TANC1: variants seen among roughly 807,000 people sequenced by gnomAD.
TANC1 encodes the protein protein TANC1.
Under a neutral mutation model 149.7 loss-of-function variants are expected in TANC1, and 77 were observed. The observed-to-expected ratio is 0.51, with a 90% CI of 0.43 to 0.62. The LOEUF (loss-of-function observed/expected upper bound fraction) is 0.62, where lower values mean the gene tolerates loss of function less well. Among genes scored for constraint, TANC1 ranks in the 20% least tolerant of loss-of-function variants. TANC1 has a pLI of 0.00. For synonymous variants in TANC1, 854 were observed against 925.0 expected, an observed-to-expected ratio of 0.92 and a Z score of 1.39; for missense variants, 1,985 against 2,321.8, an observed-to-expected ratio of 0.85 and a Z score of 2.98.
rs190682729 is a variant in TANC1, at chr2:159,132,725, A to T, written c.260-3469A>T. Among the ~76,000 whole-genome samples, 604 of 146,866 alleles carry T rather than the reference A, an allele frequency of 4.1e-3. 3 individuals carry two copies. The highest frequency in any genetic ancestry group is 0.014 in the African/African-American group (536 of 39,414). On this transcript the variant is annotated intron_variant, in intron 4 of 26. Transcript: ENST00000263635. ...TGTTACCCAGGCTGGTCTGGAACTCATGAGGCAATCCACCCACCTCGGCCT... is the reference window on the plus strand; with the variant it reads ...TGTTACCCAGGCTGGTCTGGAACTCTTGAGGCAATCCACCCACCTCGGCCT...
intron 22 of TANC1, among the ~76,000 whole-genome samples, chr2:159,221,908 C>T (rs2059731467): frequency 6.6e-6 from 1 of 152,156 alleles, no homozygotes; most frequent in South Asian, 2.1e-4. Context: ...CCAGCAGGTG[C>T]CAGAGAAATG....
intron 2 of TANC1, among the ~76,000 whole-genome samples, chr2:159,011,447 C>T (rs2037746411): frequency 6.6e-6 from 1 of 151,702 alleles, no homozygotes; most frequent in Non-Finnish European, 1.5e-5. Flanking sequence ...AATGGTAGGT[C>T]AGTTTTCCCT....
chr2:159,038,337 C>T (rs1306092738), intron 2 of TANC1, among the ~76,000 whole-genome samples: 2 of 152,128 alleles, frequency 1.3e-5, no homozygotes, highest in African/African-American at 4.8e-5. Flanking sequence ...TAATCAAATA[C>T]CCTTTATTTC....
chr2:159,163,193 T>G, intron 7 of TANC1, 90 bp from the exon 8 acceptor site: 1 of 1,318,774 alleles, frequency 7.6e-7, no homozygotes, highest in South Asian at 1.5e-5. Context: ...AAACTTTCCA[T>G]TGATCCTGGG....
chr2:159,232,400 G>T lies in TANC1; in HGVS notation c.*1388G>T, dbSNP rs2060364983. On this transcript the variant is annotated 3_prime_UTR_variant, in exon 27 of 27. Transcript: ENST00000263635. ...GCAGAATGTTTTAAAGTGAATTGTTGTAATGAAGTTCCTGTGAACATCATT... is the reference window on the plus strand; with the variant it reads ...GCAGAATGTTTTAAAGTGAATTGTTTTAATGAAGTTCCTGTGAACATCATT... The T allele has an allele frequency of 6.5e-6, 1 of 152,712 alleles. No individual in the cohort carries two copies. Among genetic ancestry groups the T allele is most frequent in the Non-Finnish European group, 1.5e-5 (1 of 68,006 alleles). 9.5% of individuals were successfully genotyped at this position (152,712 alleles called of 1,614,324 possible).
At chr2:159,062,899 G>C (rs569927898) in intron 2 of TANC1, among the ~76,000 whole-genome samples, 2 of 144,196 alleles carry the variant, frequency 1.4e-5, no homozygotes, top group African/African-American at 5.1e-5. Context: ...CCCGGGAAGC[G>C]GAGCTTGCAG....
At chr2:159,160,386 G>A (rs1262154359) in intron 7 of TANC1, among the ~76,000 whole-genome samples, 2 of 151,834 alleles carry the variant, frequency 1.3e-5, no homozygotes, top group African/African-American at 2.4e-5. Flanking sequence ...TGATGTGTAC[G>A]TGTACCCACA....
At chr2:159,045,354 C>T (rs188961524) in intron 2 of TANC1, among the ~76,000 whole-genome samples, 2 of 152,270 alleles carry the variant, frequency 1.3e-5, no homozygotes, top group Admixed American at 1.3e-4. Context: ...ATTGCTTGAA[C>T]TCGGGAGGCG....
intron 16 of TANC1, 62 bp from the exon 17 acceptor site, chr2:159,194,195 A>G (rs2057681423): frequency 7.2e-7 from 1 of 1,393,584 alleles, no homozygotes. Flanking sequence ...GATACTGCCC[A>G]TTTCCAGAAA....
intron 19 of TANC1, among the ~76,000 whole-genome samples, chr2:159,202,656 A>G (rs796961724): frequency 4.6e-5 from 7 of 152,140 alleles, no homozygotes; most frequent in African/African-American, 1.4e-4. Context: ...AAGAAAGCTC[A>G]GAGCAGATGA....
intron 2 of TANC1, among the ~76,000 whole-genome samples, chr2:159,013,326 G>C (rs749033993): frequency 2.0e-5 from 3 of 152,116 alleles, no homozygotes; most frequent in African/African-American, 7.2e-5. Context: ...AGACACAGAG[G>C]ATCACACATC....
intron 7 of TANC1, among the ~76,000 whole-genome samples, chr2:159,152,233 ACTT>A (rs2052897212): frequency 1.3e-5 from 2 of 152,054 alleles, no homozygotes; most frequent in Non-Finnish European, 2.9e-5. Flanking sequence ...TCCCAGCGTT[ACTT>A]CTGTTCTTAT....
At chr2:158,977,709 A>C (rs2033857198) in intron 1 of TANC1, among the ~76,000 whole-genome samples, 1 of 151,822 alleles carries the variant, frequency 6.6e-6, no homozygotes, top group African/African-American at 2.4e-5. Context: ...TGTTACTTGC[A>C]GCTGAAAGCA....
intron 3 of TANC1, among the ~76,000 whole-genome samples, chr2:159,080,750 T>C (rs2044187994): frequency 1.3e-5 from 2 of 152,114 alleles, no homozygotes; most frequent in South Asian, 4.1e-4. Context: ...TTGCTTTGGC[T>C]CCTTGAGGTG....
rs1259464621 is a variant in TANC1 at position 159,230,372 on chromosome 2, C to G, written c.4946C>G (p.Ala1649Gly). Residue 1649 changes from alanine (A) to glycine (G), a missense_variant, in exon 27 of 27, where the codon GCG (alanine) becomes GGG (glycine). This residue lies in a region of TANC1 where 920 missense variants were observed against 994.7 expected (regional missense o/e 0.92). Coordinates refer to ENST00000263635, the MANE Select transcript of TANC1 (RefSeq NM_033394.3). The surrounding 1 kb of genome is among the most constrained non-coding windows in gnomAD (Gnocchi z 4.4). ...DAAPPNQGGL[A>G]TCSDVRHPAS... ...GCCCCTCCAAACCAAGGTGGGCTGG[C>G]GACCTGCAGCGACGTGCGACACCCA... 1 of 1,613,980 alleles carries G rather than the reference C, an allele frequency of 6.2e-7. No individual in the cohort carries two copies. The highest frequency in any genetic ancestry group is 1.3e-5 in the African/African-American group (1 of 74,900).
intron 15 of TANC1, 68 bp from the exon 16 acceptor site, chr2:159,186,834 G>T (rs1337289591): frequency 1.6e-5 from 25 of 1,603,210 alleles, no homozygotes; most frequent in Non-Finnish European, 2.0e-5. Context: ...TGACCCTGCA[G>T]GTGGGAAGGA....
intron 4 of TANC1, among the ~76,000 whole-genome samples, chr2:159,117,801 G>A (rs2048437897): frequency 6.8e-6 from 1 of 148,080 alleles, no homozygotes; most frequent in South Asian, 2.1e-4. Flanking sequence ...TTAGTTGTCA[G>A]GTCTTAGACT....
intron 2 of TANC1, among the ~76,000 whole-genome samples, chr2:159,052,925 C>A (rs1333426525): frequency 6.6e-6 from 1 of 152,186 alleles, no homozygotes; most frequent in East Asian, 1.9e-4. Context: ...GCTTTTTGAA[C>A]ATTTTGCTAT....
intron 2 of TANC1, among the ~76,000 whole-genome samples, chr2:159,030,824 G>A (rs1427246583): frequency 6.6e-6 from 1 of 152,064 alleles, no homozygotes; most frequent in African/African-American, 2.4e-5. Context: ...TAATGCATCC[G>A]GAGGCACTGG....
Sources: gnomAD v4.1 joint callset for allele counts (sites outside exome capture counted in the v4.1 genomes callset) on GRCh38, gnomAD v4.1.1 for gene constraint, gnomAD v4.1.1 regional missense constraint, Gnocchi (gnomAD v3.1) non-coding constraint, MANE v1.5 for transcripts, NCBI Gene and HGNC (gene_info 2026-07-23, HGNC 2026-07-21) for gene names.